Variants in ALS2 observed in about 807,000 individuals in gnomAD.
ALS2 encodes the protein alsin Rho guanine nucleotide exchange factor ALS2.
In ALS2, 117 loss-of-function variants were observed where a neutral mutation model predicts 203.4. The ratio of observed to expected loss-of-function variants is 0.58; its 90% CI spans 0.50 to 0.67. ALS2 has a LOEUF of 0.67. ALS2 is among the 30% of genes least tolerant of loss of function. The pLI is 0.00. For missense variants in ALS2, 1,715 were observed against 1,989.4 expected (o/e 0.86, Z 2.62); for synonymous variants, 718 against 725.9 (o/e 0.99, Z 0.17).
At position 201,725,351 on chromosome 2, in the gene ALS2, G is replaced by A. The variant is rs772590346; in HGVS notation, c.3347+5C>T. ...ACACCAGTCCAACAGCCTTTCCAAT[G>A]TTACCTGTAGACTCCTTGACCGCAC... On this transcript the variant is annotated splice_donor_5th_base_variant and intron_variant, in intron 20 of 33. Transcript: ENST00000264276. The A allele has an allele frequency of 2.5e-6, 4 of 1,610,880 alleles. No homozygotes were observed. Among genetic ancestry groups the A allele is most frequent in the African/African-American group, 1.3e-5 (1 of 74,940 alleles).
chr2:201,704,724 T>C, intron 31 of ALS2, 121 bp from the exon 32 acceptor site: 1 of 1,122,574 alleles, frequency 8.9e-7, no homozygotes, highest in Middle Eastern at 2.2e-4. Flanking sequence ...CACTTAGGCA[T>C]TATGAGTCGT....
At chr2:201,745,371 G>A (rs971508171) in intron 9 of ALS2, among the ~76,000 whole-genome samples, 1 of 151,830 alleles carries the variant, frequency 6.6e-6, no homozygotes, top group Non-Finnish European at 1.5e-5. Flanking sequence ...TAGCAAGAAA[G>A]ATCTTGTCCC....
intron 4 of ALS2, among the ~76,000 whole-genome samples, chr2:201,758,354 C>G (rs962229165): frequency 2.0e-5 from 3 of 152,138 alleles, no homozygotes; most frequent in Admixed American, 6.5e-5. Flanking sequence ...AGTGCCTTTA[C>G]TGGCTCATCA....
intron 33 of ALS2, among the ~76,000 whole-genome samples, chr2:201,702,253 A>G (rs764810945): frequency 7.9e-5 from 12 of 152,020 alleles, no homozygotes; most frequent in Non-Finnish European, 1.8e-4. Context: ...ATCACCTAGT[A>G]TGATTAATAA....
intron 3 of ALS2, chr2:201,762,724 G>GA (rs960040624): frequency 1.3e-5 from 2 of 152,250 alleles, no homozygotes; most frequent in Admixed American, 6.5e-5. Flanking sequence ...CTTCTTCTCT[G>GA]AAAAAACATC....
At chr2:201,763,865 T>C (rs1346265296) in intron 3 of ALS2, among the ~76,000 whole-genome samples, 1 of 152,200 alleles carries the variant, frequency 6.6e-6, no homozygotes, top group Non-Finnish European at 1.5e-5. Flanking sequence ...CTACGGGTTT[T>C]AAAAAATACT....
intron 10 of ALS2, 44 bp from the exon 11 acceptor site, chr2:201,741,898 C>A (rs776105133): frequency 2.0e-6 from 3 of 1,486,554 alleles, no homozygotes; most frequent in Non-Finnish European, 2.8e-6. Flanking sequence ...AACTGAAAAC[C>A]GATCACTTTA....
chr2:201,707,061 A>G (rs1689763915), intron 28 of ALS2, 39 bp from the exon 29 acceptor site: 1 of 1,569,504 alleles, frequency 6.4e-7, no homozygotes, highest in Non-Finnish European at 8.7e-7. Context: ...AGCATTTTTC[A>G]TATTAAAATT....
intron 6 of ALS2, among the ~76,000 whole-genome samples, chr2:201,754,295 G>A (rs1693251725): frequency 6.6e-6 from 1 of 152,152 alleles, no homozygotes; most frequent in Non-Finnish European, 1.5e-5. Context: ...TTAAAGGTGT[G>A]AGCCACCAGG....
At chr2:201,728,397 T>G in intron 15 of ALS2, 115 bp downstream of exon 15, 1 of 1,438,772 alleles carries the variant, frequency 7.0e-7, no homozygotes, top group Non-Finnish European at 9.8e-7. Flanking sequence ...CTAGCCTCTT[T>G]TAGTCAACAG....
At position 201,761,163 on chromosome 2, in the gene ALS2, G is replaced by A. The variant is rs1446679004; in HGVS notation, c.831C>T (p.Ser277=). Residue 277 remains serine, a synonymous_variant, in exon 4 of 34, where the codon AGC becomes AGT. Coordinates refer to ENST00000264276, the MANE Select transcript of ALS2 (RefSeq NM_020919.4). ...QAENHASTAL[S]PSTETLDRQE... is the part of the protein sequence containing the mutation. ...GCCTGTCAAGGGTTTCAGTGGAGGGGCTGAGAGCAGTGCTGGCATGGTTTT... is the reference window on the plus strand; with the variant it reads ...GCCTGTCAAGGGTTTCAGTGGAGGGACTGAGAGCAGTGCTGGCATGGTTTT... The A allele has an allele frequency of 6.2e-7, 1 of 1,614,208 alleles. No individual in the cohort carries two copies. The highest frequency in any genetic ancestry group is 1.7e-5 in the Admixed American group (1 of 60,020).
At chr2:201,758,612 T>C (rs1440670923) in intron 4 of ALS2, among the ~76,000 whole-genome samples, 2 of 152,188 alleles carry the variant, frequency 1.3e-5, no homozygotes, top group East Asian at 1.9e-4. Flanking sequence ...TAAATGTACC[T>C]ACCAAACACA....
Position 201,754,643 on chromosome 2 carries a change from T to C in ALS2, c.1500A>G (p.Ala500=), listed in dbSNP as rs1443643470. ...QVSPRLLRKA[A]RVKTRTVVLT... is the part of the protein sequence containing the mutation. ...GAACCACTGTCCTCGTTTTCACCCG[T>C]GCAGCCTTTCTTAAGAGCCTGGGGG... Residue 500 remains alanine, a synonymous_variant, in exon 6 of 34, where the codon GCA becomes GCG. Transcript: ENST00000264276. 6.2e-7 allele frequency: 1 copy of C among 1,614,122 alleles called. No individual in the cohort carries two copies. The highest frequency in any genetic ancestry group is 8.5e-7 in the Non-Finnish European group (1 of 1,180,008).
intron 19 of ALS2, among the ~76,000 whole-genome samples, chr2:201,725,732 A>G (rs918750111): frequency 6.6e-6 from 1 of 152,228 alleles, no homozygotes; most frequent in African/African-American, 2.4e-5. Context: ...CTCTGTCACT[A>G]ATTACCTGCA....
At chr2:201,709,525 C>A (rs1329384457) in intron 27 of ALS2, among the ~76,000 whole-genome samples, 1 of 152,092 alleles carries the variant, frequency 6.6e-6, no homozygotes, top group Non-Finnish European at 1.5e-5. Flanking sequence ...AACTCAAGGG[C>A]AAAACTTCAT....
intron 3 of ALS2, among the ~76,000 whole-genome samples, chr2:201,763,951 A>C (rs1025539182): frequency 1.2e-4 from 18 of 152,188 alleles, no homozygotes; most frequent in African/African-American, 4.3e-4. Context: ...AGAAATAAGC[A>C]CTGTTTTTTT....
At chr2:201,731,153 G>A (rs1395193107) in intron 13 of ALS2, among the ~76,000 whole-genome samples, 1 of 151,988 alleles carries the variant, frequency 6.6e-6, no homozygotes, top group African/African-American at 2.4e-5. Context: ...CTACAATTCT[G>A]AGAGTCACTC....
At chr2:201,760,633 C>T (rs914746543) in intron 4 of ALS2, 51 of 1,293,268 alleles carry the variant, frequency 3.9e-5, no homozygotes, top group African/African-American at 3.8e-4. Flanking sequence ...AAATGAAATG[C>T]TCCTACTTAT....
rs114028105 is a variant in ALS2 at position 201,756,816 on chromosome 2, C to T, written c.1471+586G>A. Among the ~76,000 whole-genome samples the T allele has an allele frequency of 3.9e-3, 601 of 152,244 alleles. 6 individuals carry two copies. The highest frequency in any genetic ancestry group is 0.013 in the African/African-American group (546 of 41,536). Reference sequence around the variant, plus strand: ...TAATGCATGTTTTGATTCAGTAAGTCGAGAGTGGAACCTGAGAGTCTGCGT... The same window carrying T: ...TAATGCATGTTTTGATTCAGTAAGTTGAGAGTGGAACCTGAGAGTCTGCGT... On this transcript the variant is annotated intron_variant, in intron 5 of 33. Transcript: ENST00000264276.
Sources: gnomAD v4.1 joint callset for allele counts (sites outside exome capture counted in the v4.1 genomes callset) on GRCh38, gnomAD v4.1.1 for gene constraint, MANE v1.5 for transcripts, NCBI Gene and HGNC (gene_info 2026-07-23, HGNC 2026-07-21) for gene names.